PIP4K2A: variants seen among roughly 807,000 people sequenced by gnomAD.
The protein encoded by PIP4K2A is phosphatidylinositol-5-phosphate 4-kinase type 2 alpha, also known as phosphatidylinositol 5-phosphate 4-kinase type-2 alpha.
PIP4K2A carries 14 observed loss-of-function variants against 42.9 expected under a neutral mutation model. The observed-to-expected ratio is 0.33, with a 90% CI of 0.22 to 0.51. PIP4K2A has a LOEUF of 0.51. Among genes scored for constraint, PIP4K2A ranks in the 20% least tolerant of loss-of-function variants. The probability of loss-of-function intolerance (pLI) is 0.97; values close to 1 mark genes in which losing one functional copy is unlikely to be tolerated. For missense variants in PIP4K2A, 434 were observed against 519.8 expected, an observed-to-expected ratio of 0.83 and a Z score of 1.61; for synonymous variants, 192 against 192.2, an observed-to-expected ratio of 1.00 and a Z score of 0.01.
At chr10:22,580,579 CATT>C (rs1233009977) in intron 4 of PIP4K2A, among the ~76,000 whole-genome samples, 21 of 149,622 alleles carry the variant, frequency 1.4e-4, no homozygotes, top group African/African-American at 5.1e-4. Context: ...TTGACCCGGT[CATT>C]CTCTTCTTTG....
intron 1 of PIP4K2A, among the ~76,000 whole-genome samples, chr10:22,664,318 TCATCAG>T (rs1245264761): frequency 1.3e-5 from 2 of 148,364 alleles, no homozygotes; most frequent in African/African-American, 4.9e-5. Context: ...AATTACATTC[TCATCAG>T]CAATGTGTAA....
intron 5 of PIP4K2A, among the ~76,000 whole-genome samples, chr10:22,571,428 T>C (rs1836985291): frequency 6.6e-6 from 1 of 152,202 alleles, no homozygotes. Flanking sequence ...CGCTTCCCAA[T>C]ATGTAAAAGA....
rs1239117214 is a variant in PIP4K2A, at chr10:22,541,887, C to A, written c.953G>T (p.Gly318Val). 1.2e-6 allele frequency: 2 copies of A among 1,613,044 alleles called. No individual in the cohort carries two copies. Among genetic ancestry groups the A allele is most frequent in the African/African-American group, 2.7e-5 (2 of 74,898 alleles). ...HPVGTPPDSP[G>V]NTLNSSPPLA... is the part of the protein sequence containing the mutation. ...GGGTGGTGAGCTGTTCAGTGTATTC[C>A]CGGGGCTATCTGGGGGGGTTCCCAC... Residue 318 changes from glycine (G) to valine (V), a missense_variant, in exon 8 of 10, where the codon GGG becomes GTG. Around this residue, in one of 2 missense-constraint regions of PIP4K2A, gnomAD observed 395 missense variants for 444.5 expected, o/e 0.89. Coordinates refer to ENST00000376573, the MANE Select transcript of PIP4K2A (RefSeq NM_005028.5).
In PIP4K2A at chr10:22,612,997, G is replaced by A. The variant is rs76925324; in HGVS notation, c.145-3280C>T. Among the ~76,000 whole-genome samples, 202 of 152,258 alleles carry A rather than the reference G, an allele frequency of 1.3e-3. 4 individuals are homozygous for A. The East Asian group carries it at 0.034, about 26-fold the overall frequency. ...AGGCGGAGAAGCAGTCTTCAAGAAC[G>A]GGAATGTTTCCAAGCCTGGAGAAGA... On this transcript the variant is annotated intron_variant, in intron 1 of 9. Transcript: ENST00000376573.
intron 4 of PIP4K2A, among the ~76,000 whole-genome samples, chr10:22,580,386 A>G (rs1837240675): frequency 6.6e-6 from 1 of 152,012 alleles, no homozygotes; most frequent in Non-Finnish European, 1.5e-5. Flanking sequence ...ATAGTGGCTC[A>G]TGCCTGCAGT....
At chr10:22,543,839 T>C (rs1372881184) in intron 7 of PIP4K2A, among the ~76,000 whole-genome samples, 1 of 152,080 alleles carries the variant, frequency 6.6e-6, no homozygotes, top group Non-Finnish European at 1.5e-5. Flanking sequence ...CCGCTATACA[T>C]GGGCCTGTGG....
At position 22,619,707 on chromosome 10, in the gene PIP4K2A, G is replaced by T. The variant is rs1295730669; in HGVS notation, c.145-9990C>A. On this transcript the variant is annotated intron_variant, in intron 1 of 9. Transcript: ENST00000376573. Reference sequence around the variant, plus strand: ...CCGCGTTGGCCTCCCAAAGTGCTGGGATTACAGGCATGAGCCAACACGCCC... The same window carrying T: ...CCGCGTTGGCCTCCCAAAGTGCTGGTATTACAGGCATGAGCCAACACGCCC... Among the ~76,000 whole-genome samples, 5 of 152,246 alleles carry T rather than the reference G, an allele frequency of 3.3e-5. No individual in the cohort carries two copies. The East Asian group carries it at 9.7e-4, about 29-fold the overall frequency.
At chr10:22,583,583 C>G (rs964233054) in intron 4 of PIP4K2A, among the ~76,000 whole-genome samples, 1 of 152,238 alleles carries the variant, frequency 6.6e-6, no homozygotes. Flanking sequence ...GCTCCCACTC[C>G]TAGCAAAACC....
At chr10:22,562,403 G>C (rs998510283) in intron 6 of PIP4K2A, among the ~76,000 whole-genome samples, 3 of 152,060 alleles carry the variant, frequency 2.0e-5, no homozygotes, top group African/African-American at 7.2e-5. Context: ...AAAAAAATTA[G>C]CCAAGCGTAG....
At chr10:22,645,233 T>C (rs1838856704) in intron 1 of PIP4K2A, among the ~76,000 whole-genome samples, 1 of 152,224 alleles carries the variant, frequency 6.6e-6, no homozygotes, top group Admixed American at 6.5e-5. Flanking sequence ...ACACCACTAG[T>C]GTGTCTGGTT....
chr10:22,624,459 AGAT>A (rs1554803066), intron 1 of PIP4K2A, among the ~76,000 whole-genome samples: 2 of 152,238 alleles, frequency 1.3e-5, no homozygotes, highest in Non-Finnish European at 2.9e-5. Flanking sequence ...ATCAAAGTAA[AGAT>A]GATTCTAACA....
At position 22,681,599 on chromosome 10, in the gene PIP4K2A, TG is replaced by T. The variant is rs573686667; in HGVS notation, c.144+32583del. ...CTGAGGTAGGAGGATGCCTTGAGCC[TG>T]GGGGGTAGAGGCTGCATTGAGCCAT... On this transcript the variant is annotated intron_variant, in intron 1 of 9. Coordinates refer to ENST00000376573, the MANE Select transcript of PIP4K2A (RefSeq NM_005028.5). 2.0e-3 allele frequency among the ~76,000 whole-genome samples: 302 copies of T among 152,110 alleles called. 5 individuals are homozygous for T. Among genetic ancestry groups the T allele is most frequent in the Admixed American group, 0.015 (231 of 15,280 alleles).
At chr10:22,624,295 G>A (rs890376807) in intron 1 of PIP4K2A, among the ~76,000 whole-genome samples, 3 of 152,072 alleles carry the variant, frequency 2.0e-5, no homozygotes, top group African/African-American at 7.2e-5. Flanking sequence ...GGCAAAAATG[G>A]CTTAAAGCAT....
intron 1 of PIP4K2A, among the ~76,000 whole-genome samples, chr10:22,692,685 C>T (rs571333095): frequency 6.6e-6 from 1 of 152,248 alleles, no homozygotes; most frequent in Admixed American, 6.5e-5. Flanking sequence ...AATATCCAGG[C>T]CCCACTTACG....
chr10:22,615,881 CCA>C (rs932477532), intron 1 of PIP4K2A, among the ~76,000 whole-genome samples: 3 of 152,054 alleles, frequency 2.0e-5, no homozygotes, highest in Non-Finnish European at 4.4e-5. Flanking sequence ...ATTCCCCGCC[CCA>C]CACAGAGTGG....
At chr10:22,591,823 T>C (rs1203000651) in intron 3 of PIP4K2A, 42 bp from the exon 4 acceptor site, 1 of 1,547,798 alleles carries the variant, frequency 6.5e-7, no homozygotes, top group Admixed American at 1.9e-5. Flanking sequence ...CGGGGGAAGA[T>C]AACTAGTTAA....
intron 1 of PIP4K2A, among the ~76,000 whole-genome samples, chr10:22,680,196 G>A (rs1179855277): frequency 1.3e-5 from 2 of 151,928 alleles, no homozygotes; most frequent in Admixed American, 1.3e-4. Context: ...ACTTAAATGG[G>A]CTGCTGTGGT....
chr10:22,572,642 A>T (rs1019403876), intron 5 of PIP4K2A, among the ~76,000 whole-genome samples: 1 of 152,270 alleles, frequency 6.6e-6, no homozygotes, highest in African/African-American at 2.4e-5. Context: ...AAGTCCCTCA[A>T]GTAGGATTTG....
intron 1 of PIP4K2A, among the ~76,000 whole-genome samples, chr10:22,706,831 C>T: frequency 6.6e-6 from 1 of 152,090 alleles, no homozygotes; most frequent in East Asian, 1.9e-4. Context: ...GAAAGCAAAG[C>T]AAGGGCACAA....
Sources: allele counts gnomAD v4.1 joint callset (sites outside exome capture counted in the v4.1 genomes callset), GRCh38; gene constraint gnomAD v4.1.1; regional missense constraint gnomAD v4.1.1; transcripts MANE v1.5; gene names NCBI Gene and HGNC (gene_info 2026-07-23, HGNC 2026-07-21).